Variants in ITGB6 observed in about 807,000 individuals in gnomAD.
ITGB6 encodes integrin beta-6.
ITGB6 carries 80 observed loss-of-function variants against 84.5 expected under a neutral mutation model. That is an observed-to-expected ratio of 0.95 (90% CI 0.79 to 1.14). ITGB6 has a LOEUF of 1.14. Among genes scored for constraint, ITGB6 ranks in the 50% most tolerant of loss-of-function variants. The pLI, the probability that ITGB6 is intolerant of heterozygous loss-of-function variation, is 0.00. For synonymous variants in ITGB6, 383 were observed against 354.9 expected, an observed-to-expected ratio of 1.08 and a Z score of -0.89; for missense variants, 1,006 against 968.0, an observed-to-expected ratio of 1.04 and a Z score of -0.52.
Position 160,107,820 on chromosome 2 carries a change from G to A in ITGB6, c.2127C>T (p.Pro709=). 6.2e-7 allele frequency: 1 copy of A among 1,612,026 alleles called. No individual in the cohort carries two copies. The highest frequency in any genetic ancestry group is 8.5e-7 in the Non-Finnish European group (1 of 1,178,598). ...EKDCPKPPNI[P]MIMLGVSLAI... ...CCAGGGAAACCCCTAACATGATCAT[G>A]GGAATGTTTGGAGGCTTCGGACAAT... The change falls in exon 14 of 15, where the codon CCC becomes CCT. Residue 709 remains proline (P), a synonymous_variant. Coordinates refer to ENST00000283249, the MANE Select transcript of ITGB6 (RefSeq NM_000888.5).
intron 12 of ITGB6, among the ~76,000 whole-genome samples, chr2:160,118,096 C>T (rs1040496067): frequency 3.9e-5 from 6 of 152,160 alleles, no homozygotes; most frequent in African/African-American, 1.2e-4. Flanking sequence ...CAAGGAGGAG[C>T]TGGTACCACT....
chr2:160,161,436 A>G (rs35215995), intron 7 of ITGB6, among the ~76,000 whole-genome samples: 6,799 of 152,252 alleles, frequency 0.045, 191 homozygotes, highest in Middle Eastern at 0.11. Flanking sequence ...GACTACAGGC[A>G]CATGCCACCA....
At chr2:160,111,599 G>GGT (rs1553476386) in intron 13 of ITGB6, among the ~76,000 whole-genome samples, 1 of 134,540 alleles carries the variant, frequency 7.4e-6, no homozygotes, top group East Asian at 2.2e-4. Context: ...CATCTTAGCT[G>GGT]TTTTTTTTTT....
At chr2:160,120,220 A>G (rs573371822) in intron 12 of ITGB6, among the ~76,000 whole-genome samples, 1 of 152,048 alleles carries the variant, frequency 6.6e-6, no homozygotes, top group African/African-American at 2.4e-5. Flanking sequence ...ATGCACACGT[A>G]TGTTTATTGT....
chr2:160,119,865 C>T (rs1247545746), intron 12 of ITGB6, among the ~76,000 whole-genome samples: 2 of 152,142 alleles, frequency 1.3e-5, no homozygotes. Flanking sequence ...AGGATATGAA[C>T]AGACACTTGT....
intron 14 of ITGB6, among the ~76,000 whole-genome samples, chr2:160,103,547 T>C (rs4233681): frequency 0.36 from 55,127 of 152,038 alleles, 11,870 homozygotes; most frequent in Non-Finnish European, 0.49. Flanking sequence ...TTATCTAGTC[T>C]TGCTGCTCTA....
chr2:160,161,212 G>A (rs774970975), intron 7 of ITGB6, among the ~76,000 whole-genome samples: 1 of 152,092 alleles, frequency 6.6e-6, no homozygotes, highest in Non-Finnish European at 1.5e-5. Flanking sequence ...TTTGTAGGAT[G>A]ATCTTGATTT....
At chr2:160,153,863 C>T (rs1029955553) in intron 7 of ITGB6, among the ~76,000 whole-genome samples, 1 of 152,122 alleles carries the variant, frequency 6.6e-6, no homozygotes, top group African/African-American at 2.4e-5. Flanking sequence ...CAGAGAAATG[C>T]AAATCAAAAC....
intron 10 of ITGB6, among the ~76,000 whole-genome samples, chr2:160,137,058 A>AG (rs1412589670): frequency 1.2e-5 from 1 of 85,884 alleles, no homozygotes; most frequent in Non-Finnish European, 2.7e-5. Flanking sequence ...TAAATAAAAA[A>AG]AAAAAGAAAA....
Position 160,142,223 on chromosome 2 carries a change from G to A in ITGB6, c.1018-152C>T, listed in dbSNP as rs1684027068. ...AACCTGCTTTTCTCCTGAAACTGTA[G>A]CCTTTACTTTGTGCTGCTTCCTGTG... is the stretch of plus-strand genomic sequence containing the variant. On this transcript the variant is annotated intron_variant, in intron 7 of 14. Transcript: ENST00000283249. 9 of 581,130 alleles carry A rather than the reference G, an allele frequency of 1.5e-5. 1 individual carries two copies. The South Asian group carries it at 2.0e-4, about 13-fold the overall frequency. The allele number at this position is 581,130 out of a possible 1,614,324, so 36.0% of individuals were successfully genotyped here.
At chr2:160,172,009 A>G (rs562591694) in intron 6 of ITGB6, among the ~76,000 whole-genome samples, 2 of 152,226 alleles carry the variant, frequency 1.3e-5, no homozygotes, top group Non-Finnish European at 2.9e-5. Context: ...ATAGGGGTCT[A>G]TTGAGGAGAT....
intron 4 of ITGB6, among the ~76,000 whole-genome samples, chr2:160,185,568 A>G (rs1685860922): frequency 6.6e-6 from 1 of 152,246 alleles, no homozygotes; most frequent in Non-Finnish European, 1.5e-5. Flanking sequence ...TATAGATTCA[A>G]TGCTATCCCC....
At chr2:160,190,374 G>T (rs549175819) in intron 4 of ITGB6, among the ~76,000 whole-genome samples, 49 of 152,080 alleles carry the variant, frequency 3.2e-4, no homozygotes, top group Non-Finnish European at 6.0e-4. Flanking sequence ...AACACTCTTT[G>T]TGATTGGCAT....
At chr2:160,132,501 T>A (rs140010793) in intron 10 of ITGB6, among the ~76,000 whole-genome samples, 6 of 152,146 alleles carry the variant, frequency 3.9e-5, no homozygotes, top group Non-Finnish European at 7.4e-5. Flanking sequence ...CTTTTTTATA[T>A]GTTCCTAACG....
chr2:160,178,920 C>A (rs1024444773), intron 4 of ITGB6: 14 of 152,148 alleles, frequency 9.2e-5, no homozygotes, highest in African/African-American at 3.4e-4. Context: ...TGGTCACGAA[C>A]TCCTGAGCTC....
intron 10 of ITGB6, among the ~76,000 whole-genome samples, chr2:160,129,575 G>A (rs1683378814): frequency 6.6e-6 from 1 of 152,072 alleles, no homozygotes; most frequent in African/African-American, 2.4e-5. Flanking sequence ...CCAGTAGGAA[G>A]AATTTGTAAA....
intron 13 of ITGB6, among the ~76,000 whole-genome samples, chr2:160,110,323 C>T (rs912049697): frequency 6.6e-6 from 1 of 152,062 alleles, no homozygotes; most frequent in African/African-American, 2.4e-5. Flanking sequence ...GAATATTAAG[C>T]GAATTAATAC....
chr2:160,112,425 T>C (rs548795356), intron 12 of ITGB6, among the ~76,000 whole-genome samples: 12 of 152,180 alleles, frequency 7.9e-5, no homozygotes, highest in Non-Finnish European at 1.5e-4. Context: ...GACCATCAAA[T>C]GTGCCTATCA....
At chr2:160,128,305 G>T (rs145741551) in intron 10 of ITGB6, among the ~76,000 whole-genome samples, 1 of 151,824 alleles carries the variant, frequency 6.6e-6, no homozygotes, top group Non-Finnish European at 1.5e-5. Flanking sequence ...TGCATTTCAG[G>T]AATACATGTG....
Sources: gnomAD v4.1 joint callset for allele counts (sites outside exome capture counted in the v4.1 genomes callset) on GRCh38, gnomAD v4.1.1 for gene constraint, MANE v1.5 for transcripts, NCBI Gene and HGNC (gene_info 2026-07-23, HGNC 2026-07-21) for gene names.